The following UNC5C variants were observed in gnomAD, a reference collection of about 807,000 sequenced individuals.
UNC5C encodes unc-5 netrin receptor C, also known as netrin receptor UNC5C.
A neutral mutation model predicts 99.8 loss-of-function variants in UNC5C; 47 were observed. That is an observed-to-expected ratio of 0.47 (90% confidence interval 0.37 to 0.60). The LOEUF is 0.60. UNC5C is among the 20% of genes least tolerant of loss of function. The pLI is 0.00. For missense variants in UNC5C, 1,062 were observed against 1,165.9 expected, an observed-to-expected ratio of 0.91 and a Z score of 1.30; for synonymous variants, 487 against 452.2, an observed-to-expected ratio of 1.08 and a Z score of -0.98.
At chr4:95,255,404 A>G (rs902229974) in intron 4 of UNC5C, among the ~76,000 whole-genome samples, 9 of 152,232 alleles carry the variant, frequency 5.9e-5, no homozygotes, top group African/African-American at 2.2e-4. Flanking sequence ...TTATGTTTTC[A>G]TTGTTCACTT....
At chr4:95,350,162 C>T (rs1366717936) in intron 1 of UNC5C, among the ~76,000 whole-genome samples, 5 of 152,004 alleles carry the variant, frequency 3.3e-5, no homozygotes, top group African/African-American at 1.2e-4. Flanking sequence ...GAAACGTTTG[C>T]TAATATGTGG....
At chr4:95,308,157 A>C (rs896299802) in intron 2 of UNC5C, among the ~76,000 whole-genome samples, 1 of 152,218 alleles carries the variant, frequency 6.6e-6, no homozygotes, top group Non-Finnish European at 1.5e-5. Context: ...CAAAGGAAGA[A>C]GGAAATTGTC....
At chr4:95,472,406 A>T (rs1190774526) in intron 1 of UNC5C, among the ~76,000 whole-genome samples, 1 of 152,094 alleles carries the variant, frequency 6.6e-6, no homozygotes, top group Non-Finnish European at 1.5e-5. Context: ...CATGAGGGGG[A>T]GAGGAATACT....
At chr4:95,287,270 A>C (rs1295994916) in intron 3 of UNC5C, among the ~76,000 whole-genome samples, 1 of 152,224 alleles carries the variant, frequency 6.6e-6, no homozygotes, top group African/African-American at 2.4e-5. Context: ...AAATGTGGGC[A>C]CTTCAGAAGA....
At chr4:95,356,202 A>AAAAC (rs1366524329) in intron 1 of UNC5C, among the ~76,000 whole-genome samples, 6 of 131,344 alleles carry the variant, frequency 4.6e-5, no homozygotes, top group South Asian at 2.5e-4. Flanking sequence ...GCAAAAAAAA[A>AAAAC]AAAAAAAAAA....
chr4:95,525,557 C>G (rs1305994389), intron 1 of UNC5C, among the ~76,000 whole-genome samples: 1 of 132,306 alleles, frequency 7.6e-6, no homozygotes, highest in Admixed American at 8.3e-5. Context: ...TTAAAAAACC[C>G]ATATTCAATT....
intron 1 of UNC5C, among the ~76,000 whole-genome samples, chr4:95,457,410 G>C (rs1253132715): frequency 2.6e-5 from 4 of 151,898 alleles, no homozygotes; most frequent in Non-Finnish European, 5.9e-5. Context: ...CTATCCATCT[G>C]CCAAATTTTG....
intron 5 of UNC5C, chr4:95,248,517 T>C (rs1560752150): frequency 8.8e-6 from 4 of 455,714 alleles, no homozygotes; most frequent in South Asian, 4.7e-5. Context: ...GTTACTTTCC[T>C]TCTGGTATAG....
intron 1 of UNC5C, among the ~76,000 whole-genome samples, chr4:95,498,513 T>A (rs187934163): frequency 6.6e-6 from 1 of 152,160 alleles, no homozygotes; most frequent in African/African-American, 2.4e-5. Flanking sequence ...ACCAAAGTAC[T>A]CTAAAAAGTA....
At chr4:95,427,600 T>C (rs1746519853) in intron 1 of UNC5C, among the ~76,000 whole-genome samples, 1 of 152,166 alleles carries the variant, frequency 6.6e-6, no homozygotes, top group Non-Finnish European at 1.5e-5. Flanking sequence ...AAGAACATCT[T>C]TCTAGCAATA....
intron 2 of UNC5C, among the ~76,000 whole-genome samples, chr4:95,302,655 C>T (rs537458866): frequency 1.3e-5 from 2 of 152,190 alleles, no homozygotes; most frequent in Non-Finnish European, 2.9e-5. Flanking sequence ...AGCAGAACAC[C>T]CCTAGGGAGG....
intron 5 of UNC5C, among the ~76,000 whole-genome samples, chr4:95,249,342 A>T (rs1322539165): frequency 6.6e-6 from 1 of 152,180 alleles, no homozygotes; most frequent in East Asian, 1.9e-4. Context: ...GTAAGACTCC[A>T]AGGCCCACGG....
intron 1 of UNC5C, among the ~76,000 whole-genome samples, chr4:95,411,135 C>T (rs116334327): frequency 1.8e-3 from 271 of 152,252 alleles, no homozygotes; most frequent in African/African-American, 6.3e-3. Flanking sequence ...CACAGCCCCT[C>T]GGGACAAACC....
chr4:95,189,104 T>C (rs536161267), intron 12 of UNC5C, among the ~76,000 whole-genome samples: 2 of 152,346 alleles, frequency 1.3e-5, no homozygotes, highest in East Asian at 1.9e-4. Flanking sequence ...GCGGATCATC[T>C]GGCCTCTTTG....
intron 1 of UNC5C, among the ~76,000 whole-genome samples, chr4:95,440,524 A>C (rs1322691275): frequency 6.6e-6 from 1 of 152,198 alleles, no homozygotes; most frequent in Non-Finnish European, 1.5e-5. Flanking sequence ...TTTTAATTAA[A>C]GTATGAGTAG....
chr4:95,292,534 A>T (rs1204260960), intron 3 of UNC5C, among the ~76,000 whole-genome samples: 2 of 152,082 alleles, frequency 1.3e-5, no homozygotes, highest in Non-Finnish European at 2.9e-5. Flanking sequence ...AAAAAACCAA[A>T]CCCAAATCTT....
chr4:95,198,984 A>T (rs751353313), intron 12 of UNC5C, among the ~76,000 whole-genome samples: 3 of 152,134 alleles, frequency 2.0e-5, no homozygotes, highest in Non-Finnish European at 2.9e-5. Context: ...CAATACCTAG[A>T]CCAATTAGAT....
At chr4:95,420,959 C>G (rs1268695778) in intron 1 of UNC5C, among the ~76,000 whole-genome samples, 1 of 152,162 alleles carries the variant, frequency 6.6e-6, no homozygotes, top group Non-Finnish European at 1.5e-5. Flanking sequence ...AATTCCAGAT[C>G]TGCTACCTAT....
At chr4:95,404,148 T>A (rs12648855) in intron 1 of UNC5C, among the ~76,000 whole-genome samples, 11,304 of 152,292 alleles carry the variant, frequency 0.074, 496 homozygotes, top group East Asian at 0.19. Flanking sequence ...AAGCCATTTA[T>A]AATTGCTGCT....
Sources: gnomAD v4.1 joint callset for allele counts (sites outside exome capture counted in the v4.1 genomes callset) on GRCh38, gnomAD v4.1.1 for gene constraint, MANE v1.5 for transcripts, NCBI Gene and HGNC (gene_info 2026-07-23, HGNC 2026-07-21) for gene names.